The following PDXDC1 variants were observed in gnomAD, a reference collection of about 807,000 sequenced individuals.
PDXDC1 encodes pyridoxal dependent decarboxylase domain containing 1.
Under a neutral mutation model 100.1 loss-of-function variants are expected in PDXDC1, and 42 were observed. The ratio of observed to expected loss-of-function variants is 0.42; its 90% CI spans 0.33 to 0.54. The LOEUF (loss-of-function observed/expected upper bound fraction) is 0.54. Ranked by LOEUF, PDXDC1 falls within the 20% of genes least tolerant of loss-of-function variation. The probability of loss-of-function intolerance (pLI) is 0.10; values close to 1 mark genes in which losing one functional copy is unlikely to be tolerated. For synonymous variants in PDXDC1, 260 were observed against 371.7 expected, an observed-to-expected ratio of 0.70 and a Z score of 3.46; for missense variants, 636 against 979.2, an observed-to-expected ratio of 0.65 and a Z score of 4.68.
At position 15,019,103 on chromosome 16, in the gene PDXDC1, C is replaced by T. The variant is rs543890754; in HGVS notation, c.1089+138C>T. ...CGTGAGCCAGAGACTAATCGCCCTG[C>T]ATGTAAATATTTCTTGTTCAAAGTT... On this transcript the variant is annotated intron_variant, in intron 12 of 22. Transcript: ENST00000396410. The T allele has an allele frequency of 3.6e-4, 436 of 1,205,256 alleles. No homozygotes were observed. The African/African-American group carries it at 6.1e-3, about 17-fold the overall frequency. 74.7% of individuals were successfully genotyped at this position (1,205,256 alleles called of 1,614,324 possible).
chr16:15,142,742 C>T (rs1407535249), downstream of PDXDC1, among the ~76,000 whole-genome samples: 9 of 152,196 alleles, frequency 5.9e-5, no homozygotes, highest in East Asian at 1.5e-3. Context: ...CGCCAGCCCC[C>T]CCACCCCGCC....
chr16:15,066,531 G>A (rs1169778394), intron 16 of PDXDC1, among the ~76,000 whole-genome samples: 5 of 151,854 alleles, frequency 3.3e-5, no homozygotes, highest in South Asian at 2.1e-4. Context: ...TATTCGGGAG[G>A]CTGAGGCAGG....
chr16:15,005,519 C>A (rs1157371675), intron 5 of PDXDC1, among the ~76,000 whole-genome samples: 13 of 152,256 alleles, frequency 8.5e-5, no homozygotes, highest in East Asian at 1.9e-4. Context: ...TCTTGAGAGA[C>A]CCTGACTTTC....
chr16:15,079,825 G>C (rs2045621571), intron 16 of PDXDC1, among the ~76,000 whole-genome samples: 2 of 152,170 alleles, frequency 1.3e-5, no homozygotes, highest in Middle Eastern at 3.2e-3. Context: ...TCGAACTCCT[G>C]ACCTCAGGTG....
intron 16 of PDXDC1, among the ~76,000 whole-genome samples, chr16:15,097,702 G>A (rs1396698910): frequency 4.0e-5 from 6 of 151,140 alleles, no homozygotes; most frequent in South Asian, 4.2e-4. Flanking sequence ...TTAAGAAGCC[G>A]AACATTAACT....
intron 14 of PDXDC1, among the ~76,000 whole-genome samples, chr16:15,027,512 C>G (rs2151600503): frequency 6.6e-6 from 1 of 152,388 alleles, no homozygotes; most frequent in Non-Finnish European, 1.5e-5. Flanking sequence ...TCTTGGTGTA[C>G]CGGAAGAATG....
chr16:15,031,382 A>G (rs1027455357), intron 16 of PDXDC1, among the ~76,000 whole-genome samples: 1 of 152,106 alleles, frequency 6.6e-6, no homozygotes, highest in Non-Finnish European at 1.5e-5. Context: ...TCTCTCAGTC[A>G]TAGGAATGTA....
chr16:15,111,615 G>C (rs1160959276), intron 16 of PDXDC1, among the ~76,000 whole-genome samples: 1 of 146,522 alleles, frequency 6.8e-6, no homozygotes, highest in Non-Finnish European at 1.5e-5. Flanking sequence ...AAAATTAGCT[G>C]AGCATGGTGG....
intron 1 of PDXDC1, among the ~76,000 whole-genome samples, chr16:14,984,758 C>T (rs1277314907): frequency 4.6e-5 from 7 of 152,124 alleles, no homozygotes; most frequent in African/African-American, 1.7e-4. Context: ...TCCCAAAGTG[C>T]CAGAATTACA....
At chr16:15,030,939 G>T (rs950481768) in intron 16 of PDXDC1, among the ~76,000 whole-genome samples, 2 of 151,412 alleles carry the variant, frequency 1.3e-5, no homozygotes, top group Non-Finnish European at 2.9e-5. Context: ...TGGAGCCTGG[G>T]GATCTGTGTT....
chr16:15,049,417 G>A (rs537245181), intron 16 of PDXDC1, among the ~76,000 whole-genome samples: 1 of 150,708 alleles, frequency 6.6e-6, no homozygotes, highest in Non-Finnish European at 1.5e-5. Context: ...TCATCCCTGT[G>A]TTATTTCTTT....
At chr16:15,104,181 A>G (rs2046674691) in intron 16 of PDXDC1, 2 of 844,370 alleles carry the variant, frequency 2.4e-6, no homozygotes, top group East Asian at 5.9e-5. Context: ...TCAAAAAAAA[A>G]AACAAATAAT....
At chr16:15,111,734 G>T (rs1273454632) in intron 16 of PDXDC1, among the ~76,000 whole-genome samples, 1 of 115,140 alleles carries the variant, frequency 8.7e-6, no homozygotes, top group Non-Finnish European at 1.7e-5. Flanking sequence ...CTCCAGCCTG[G>T]TGACAGAGTG....
the PDXDC1 span, among the ~76,000 whole-genome samples, chr16:15,145,784 C>G: frequency 6.6e-6 from 1 of 152,400 alleles, no homozygotes; most frequent in East Asian, 1.9e-4. Context: ...CGCCGCTGTG[C>G]CCGCAGACGT....
chr16:15,130,463 G>A (rs1270422839), intron 16 of PDXDC1: 1 of 1,425,068 alleles, frequency 7.0e-7, no homozygotes, highest in Admixed American at 1.7e-5. Flanking sequence ...TCCTGGGCAG[G>A]GAAGGGGCAG....
At chr16:15,078,090 T>A (rs1432867041) in intron 16 of PDXDC1, among the ~76,000 whole-genome samples, 1 of 152,206 alleles carries the variant, frequency 6.6e-6, no homozygotes, top group African/African-American at 2.4e-5. Context: ...TTTTTTATTA[T>A]CTATGCTTGA....
intron 16 of PDXDC1, among the ~76,000 whole-genome samples, chr16:15,129,583 GAT>G (rs1477358698): frequency 6.6e-6 from 1 of 152,242 alleles, no homozygotes; most frequent in Non-Finnish European, 1.5e-5. Context: ...ATCGCGGGTG[GAT>G]GCACGGTCTC....
chr16:15,075,815 T>A (rs1448706884), intron 16 of PDXDC1, among the ~76,000 whole-genome samples: 1 of 152,100 alleles, frequency 6.6e-6, no homozygotes, highest in African/African-American at 2.4e-5. Flanking sequence ...GGCCCCCTTT[T>A]GCAGGTCGGG....
At chr16:15,035,116 T>G (rs766114343) in intron 21 of PDXDC1, among the ~76,000 whole-genome samples, 1 of 152,212 alleles carries the variant, frequency 6.6e-6, no homozygotes, top group African/African-American at 2.4e-5. Flanking sequence ...TCCATTGTCA[T>G]GAAAGCAAAA....
Sources: allele counts gnomAD v4.1 joint callset (sites outside exome capture counted in the v4.1 genomes callset), GRCh38; gene constraint gnomAD v4.1.1; transcripts MANE v1.5; gene names NCBI Gene and HGNC (gene_info 2026-07-23, HGNC 2026-07-21).